Variants in PPID observed in about 807,000 individuals in gnomAD.
PPID encodes the protein peptidyl-prolyl cis-trans isomerase D.
Under a neutral mutation model 48.1 loss-of-function variants are expected in PPID, and 47 were observed. The observed-to-expected ratio is 0.98, with a 90% CI of 0.77 to 1.25. The LOEUF (loss-of-function observed/expected upper bound fraction) is 1.25, where lower values mean the gene tolerates loss of function less well. Among genes scored for constraint, PPID ranks in the 50% most tolerant of loss-of-function variants. The pLI is 0.00. For missense variants in PPID, 429 were observed against 443.5 expected, an observed-to-expected ratio of 0.97 and a Z score of 0.29; for synonymous variants, 163 against 148.8, an observed-to-expected ratio of 1.10 and a Z score of -0.69.
chr4:158,721,739 C>T (rs950160185), intron 1 of PPID, among the ~76,000 whole-genome samples: 7 of 152,150 alleles, frequency 4.6e-5, no homozygotes, highest in Non-Finnish European at 7.3e-5. Flanking sequence ...TCTACCCAAC[C>T]CCTGAAATCC....
At chr4:158,709,915 G>A in intron 9 of PPID, 91 bp from the exon 10 acceptor site, 1 of 994,218 alleles carries the variant, frequency 1.0e-6, no homozygotes, top group Middle Eastern at 2.4e-4. Flanking sequence ...ACTACCCCTT[G>A]AAAAAACTTC....
At chr4:158,715,830 A>C (rs1313865863) in intron 4 of PPID, 146 bp from the exon 5 acceptor site, 1 of 811,624 alleles carries the variant, frequency 1.2e-6, no homozygotes, top group Non-Finnish European at 1.9e-6. Context: ...GTTTTTATAC[A>C]TTCCAACTAA....
At chr4:158,722,363 T>C (rs1774976778) in intron 1 of PPID, among the ~76,000 whole-genome samples, 1 of 152,264 alleles carries the variant, frequency 6.6e-6, no homozygotes. Flanking sequence ...GCAGCCTTTG[T>C]GCTCTGAGCA....
At chr4:158,710,393 G>T in intron 9 of PPID, 1 of 588,560 alleles carries the variant, frequency 1.7e-6, no homozygotes. Context: ...ATAACTTGAA[G>T]AATAAATAAC....
At chr4:158,710,484 T>C (rs1170065280) in intron 9 of PPID, 144 bp downstream of exon 9, 4 of 801,600 alleles carry the variant, frequency 5.0e-6, no homozygotes, top group Non-Finnish European at 8.4e-6. Flanking sequence ...TGTTCATTGC[T>C]ATATGATAAT....
chr4:158,712,897 A>G lies in PPID; in HGVS notation c.894+222T>C, dbSNP rs868392896. 1.2e-4 allele frequency among the ~76,000 whole-genome samples: 18 copies of G among 151,850 alleles called. 1 individual carries two copies. Among genetic ancestry groups the G allele is most frequent in the African/African-American group, 4.4e-4 (18 of 41,136 alleles). On this transcript the variant is annotated intron_variant, in intron 7 of 9. Transcript: ENST00000307720. The stretch of plus-strand genomic sequence containing the variant: ...CATGAGCTGATATATGTGCTTTGAG[A>G]AAAAAAGGCAAGGATCTTCATAGCT...
chr4:158,714,954 C>T (rs1197565781), intron 6 of PPID, among the ~76,000 whole-genome samples: 4 of 152,130 alleles, frequency 2.6e-5, no homozygotes, highest in African/African-American at 7.2e-5. Flanking sequence ...TGAACTTATG[C>T]AGAATGTCTT....
intron 4 of PPID, 107 bp downstream of exon 4, chr4:158,716,905 G>A: frequency 3.5e-6 from 4 of 1,131,334 alleles, no homozygotes; most frequent in Non-Finnish European, 3.8e-6. Context: ...AGGCTGCAGT[G>A]AGCCGAGACC....
Position 158,709,791 on chromosome 4 carries a change from TTTTG to T in PPID, c.1054_1057del (p.Gln352ArgfsTer2). On this transcript the variant is annotated frameshift_variant, in exon 10 of 10. Transcript: ENST00000307720. LOFTEE classifies it high-confidence loss of function. ...CTCTTTATCTTTCTGTGCCTTTATCTTTTGTTTGACTTTCAGCAATTCTGCCTGG... is the reference window on the plus strand; with the variant it reads ...CTCTTTATCTTTCTGTGCCTTTATCTTTTGACTTTCAGCAATTCTGCCTGG... 6.2e-7 allele frequency: 1 copy of T among 1,612,090 alleles called. No homozygotes were observed. Among genetic ancestry groups the T allele is most frequent in the South Asian group, 1.1e-5 (1 of 91,014 alleles).
At chr4:158,710,047 C>T in intron 9 of PPID, 1 of 534,302 alleles carries the variant, frequency 1.9e-6, no homozygotes, top group African/African-American at 1.9e-5. Context: ...TTGCCTTCTG[C>T]CTCTACATTA....
intron 6 of PPID, among the ~76,000 whole-genome samples, chr4:158,714,615 G>C (rs1463268986): frequency 1.3e-5 from 2 of 148,552 alleles, no homozygotes; most frequent in African/African-American, 5.0e-5. Flanking sequence ...TTTTGAGACA[G>C]AATCTCACTC....
Position 158,721,365 on chromosome 4 carries a change from G to C in PPID, c.204C>G (p.Phe68Leu). ...TACTTCGATGAAAAGGGCATCCTTT[G>C]AAATGGAGAGGTTTCCCAGTCGTGT... Reference protein sequence around the residue: ...IGHTTGKPLHFKGCPFHRIIK... With the variant: ...IGHTTGKPLHLKGCPFHRIIK... Residue 68 changes from phenylalanine to leucine, a missense_variant, in exon 2 of 10, where the codon TTC (phenylalanine) becomes TTG (leucine). Phe to Leu is a conservative substitution (Grantham distance 22, BLOSUM62 0). Coordinates refer to ENST00000307720, the MANE Select transcript of PPID (RefSeq NM_005038.3). 1 of 1,614,122 alleles carries C rather than the reference G, an allele frequency of 6.2e-7. No individual in the cohort carries two copies. Among genetic ancestry groups the C allele is most frequent in the South Asian group, 1.1e-5 (1 of 91,082 alleles).
In PPID at chr4:158,709,699, A is replaced by C. The variant is rs768750084; in HGVS notation, c.*37T>G. ...ACCTTTACATTTTCTTATTGCATTTATACAATCAACACACAATAAGCAAAA... is the reference window on the plus strand; with the variant it reads ...ACCTTTACATTTTCTTATTGCATTTCTACAATCAACACACAATAAGCAAAA... On this transcript the variant is annotated 3_prime_UTR_variant, in exon 10 of 10. Transcript: ENST00000307720. 6.9e-7 allele frequency: 1 copy of C among 1,445,164 alleles called. No individual in the cohort carries two copies. Among genetic ancestry groups the C allele is most frequent in the African/African-American group, 1.4e-5 (1 of 71,082 alleles). 89.5% of individuals were successfully genotyped at this position (1,445,164 alleles called of 1,614,324 possible). A position where few individuals can be genotyped will look rare whatever the true frequency, so the allele number is the denominator to read the frequency against.
intron 6 of PPID, among the ~76,000 whole-genome samples, chr4:158,714,003 G>C (rs1774830720): frequency 6.6e-6 from 1 of 151,986 alleles, no homozygotes. Flanking sequence ...GCAATATAAA[G>C]GAGGCCTTGT....
intron 9 of PPID, 169 bp downstream of exon 9, chr4:158,710,459 G>A (rs1774770069): frequency 1.5e-6 from 1 of 668,320 alleles, no homozygotes; most frequent in Non-Finnish European, 2.6e-6. Context: ...TTGAGGGCAG[G>A]GACTTTGACT....
intron 1 of PPID, 136 bp downstream of exon 1, chr4:158,723,068 G>T: frequency 1.2e-6 from 1 of 853,178 alleles, no homozygotes; most frequent in Non-Finnish European, 1.9e-6. Context: ...TGCTCCGGCG[G>T]ACCAGCCTAG....
intron 7 of PPID, among the ~76,000 whole-genome samples, chr4:158,711,477 G>A (rs772773048): frequency 2.0e-5 from 3 of 151,798 alleles, no homozygotes; most frequent in East Asian, 3.9e-4. Flanking sequence ...GCCCGCCGCC[G>A]TGGCCTCCCT....
At chr4:158,719,030 A>G in intron 3 of PPID, 150 bp downstream of exon 3, 1 of 562,898 alleles carries the variant, frequency 1.8e-6, no homozygotes, top group African/African-American at 1.9e-5. Flanking sequence ...TTTCCATATT[A>G]AAGAACCATT....
At chr4:158,711,042 A>G (rs1774782213) in intron 7 of PPID, among the ~76,000 whole-genome samples, 194 bp from the exon 8 acceptor site, 1 of 152,158 alleles carries the variant, frequency 6.6e-6, no homozygotes, top group Non-Finnish European at 1.5e-5. Context: ...CATGGAGGAG[A>G]AAGACATTTC....
Sources: gnomAD v4.1 joint callset for allele counts (sites outside exome capture counted in the v4.1 genomes callset) on GRCh38, gnomAD v4.1.1 for gene constraint, MANE v1.5 for transcripts, NCBI Gene and HGNC (gene_info 2026-07-23, HGNC 2026-07-21) for gene names.